Variants in CD247 observed in about 807,000 individuals in gnomAD.
CD247 encodes T-cell surface glycoprotein CD3 zeta chain.
CD247 carries 13 observed loss-of-function variants against 30.0 expected under a neutral mutation model. The ratio of observed to expected loss-of-function variants is 0.43; its 90% CI spans 0.28 to 0.69. The LOEUF (loss-of-function observed/expected upper bound fraction) is 0.69, where lower values mean the gene tolerates loss of function less well. CD247 is among the 30% of genes least tolerant of loss of function. The probability of loss-of-function intolerance (pLI) is 0.16; values close to 1 mark genes in which losing one functional copy is unlikely to be tolerated. For missense variants in CD247, 193 were observed against 212.6 expected (o/e 0.91, Z 0.57); for synonymous variants, 72 against 80.0 (o/e 0.90, Z 0.53).
chr1:167,512,868 G>T (rs1655451775), intron 1 of CD247, among the ~76,000 whole-genome samples: 1 of 152,200 alleles, frequency 6.6e-6, no homozygotes, highest in African/African-American at 2.4e-5. Flanking sequence ...CCACCATAGT[G>T]CCTGCTCCAG....
chr1:167,471,000 T>C (rs1380057809), intron 1 of CD247, among the ~76,000 whole-genome samples: 1 of 151,578 alleles, frequency 6.6e-6, no homozygotes, highest in Non-Finnish European at 1.5e-5. Flanking sequence ...GCTTCCCGAG[T>C]AGCTGGGACT....
intron 7 of CD247, among the ~76,000 whole-genome samples, chr1:167,431,974 C>T (rs1445405611): frequency 1.3e-5 from 2 of 152,224 alleles, no homozygotes; most frequent in Non-Finnish European, 1.5e-5. Context: ...GCAGCAACTC[C>T]TTTCCAGCTA....
rs34658129 is a variant in CD247, at chr1:167,484,107, G to A, written c.58+34301C>T. Among the ~76,000 whole-genome samples the A allele has an allele frequency of 9.8e-5, 15 of 152,358 alleles. No homozygotes were observed. The East Asian group carries it at 2.5e-3, about 25-fold the overall frequency. On this transcript the variant is annotated intron_variant, in intron 1 of 7. Transcript: ENST00000362089. ...GAGGCAGAGTGGAGAATACAAAATCGCAGGTGAGATCACAGCTCTCTCAAG... is the reference window on the plus strand; with the variant it reads ...GAGGCAGAGTGGAGAATACAAAATCACAGGTGAGATCACAGCTCTCTCAAG...
chr1:167,500,125 A>G (rs1654845258), intron 1 of CD247, among the ~76,000 whole-genome samples: 1 of 152,232 alleles, frequency 6.6e-6, no homozygotes. Flanking sequence ...TGAAATGGAA[A>G]CGCTGAACCC....
At chr1:167,505,687 G>A (rs528802994) in intron 1 of CD247, among the ~76,000 whole-genome samples, 1 of 152,376 alleles carries the variant, frequency 6.6e-6, no homozygotes, top group Non-Finnish European at 1.5e-5. Flanking sequence ...AAGCTGGAGT[G>A]GAGGGAGACC....
Position 167,494,285 on chromosome 1 carries a change from T to C in CD247, c.58+24123A>G, listed in dbSNP as rs1418106. Among the ~76,000 whole-genome samples the C allele has an allele frequency of 0.062, 9,460 of 152,268 alleles. 550 individuals carry two copies. The highest frequency in any genetic ancestry group is 0.16 in the South Asian group (789 of 4,828). Reference sequence around the variant, plus strand: ...CAGGGCCAGTTCAGCAAAACCTCTGTCAACAAATAGAGGATTTGTTTAATC... The same window carrying C: ...CAGGGCCAGTTCAGCAAAACCTCTGCCAACAAATAGAGGATTTGTTTAATC... On this transcript the variant is annotated intron_variant, in intron 1 of 7. Transcript: ENST00000362089. The surrounding 1 kb of genome is among the most constrained non-coding windows in gnomAD (Gnocchi z 7.3).
intron 1 of CD247, among the ~76,000 whole-genome samples, chr1:167,469,896 C>T (rs1558012792): frequency 6.6e-6 from 1 of 151,984 alleles, no homozygotes; most frequent in Non-Finnish European, 1.5e-5. Flanking sequence ...TCTATTCATT[C>T]TCGGTACTTT....
At chr1:167,472,530 A>C (rs769241573) in intron 1 of CD247, among the ~76,000 whole-genome samples, 7 of 152,206 alleles carry the variant, frequency 4.6e-5, no homozygotes, top group Non-Finnish European at 7.3e-5. Flanking sequence ...ACAATTAAGA[A>C]AGCAAAATGT....
At chr1:167,492,282 C>T (rs1167375966) in intron 1 of CD247, among the ~76,000 whole-genome samples, 1 of 152,134 alleles carries the variant, frequency 6.6e-6, no homozygotes, top group Non-Finnish European at 1.5e-5. Flanking sequence ...ACCAGGAGAG[C>T]CGGAAGAGGT....
intron 1 of CD247, among the ~76,000 whole-genome samples, chr1:167,463,441 A>G (rs1653111959): frequency 6.6e-6 from 1 of 152,140 alleles, no homozygotes. Flanking sequence ...AAAAGTCATC[A>G]TTTCTTTTTT....
intron 1 of CD247, among the ~76,000 whole-genome samples, chr1:167,452,160 G>A (rs1652376755): frequency 6.6e-6 from 1 of 152,340 alleles, no homozygotes; most frequent in South Asian, 2.1e-4. Flanking sequence ...GGGAGGCAGA[G>A]GTTGCAGTGA....
intron 2 of CD247, chr1:167,439,667 T>C: frequency 1.9e-6 from 1 of 534,994 alleles, no homozygotes; most frequent in South Asian, 2.1e-5. Flanking sequence ...CTTCCCGGGC[T>C]AGCGCCCTCG....
At chr1:167,490,578 G>A (rs943475238) in intron 1 of CD247, among the ~76,000 whole-genome samples, 2 of 151,978 alleles carry the variant, frequency 1.3e-5, no homozygotes, top group South Asian at 2.1e-4. Flanking sequence ...AGCCGAGATC[G>A]CGCCACTGCA....
At chr1:167,482,693 C>A (rs1428244099) in intron 1 of CD247, among the ~76,000 whole-genome samples, 1 of 152,174 alleles carries the variant, frequency 6.6e-6, no homozygotes, top group Non-Finnish European at 1.5e-5. Flanking sequence ...CATGGAGTGA[C>A]CTTAAGGAAT....
At chr1:167,447,870 C>T (rs1279069565) in intron 1 of CD247, among the ~76,000 whole-genome samples, 4 of 151,916 alleles carry the variant, frequency 2.6e-5, no homozygotes, top group Non-Finnish European at 5.9e-5. Context: ...CCAGCTCCAC[C>T]CCCAGGCTCA....
intron 5 of CD247, chr1:167,434,529 G>A: frequency 2.8e-6 from 1 of 355,694 alleles, no homozygotes; most frequent in Non-Finnish European, 5.5e-6. Flanking sequence ...CACCTGCAAG[G>A]GTCTCCTGCA....
chr1:167,506,476 T>C lies in CD247; in HGVS notation c.58+11932A>G, dbSNP rs573080879. ...ATTTCTCCCACCTCAACCTCCCAAA[T>C]AGCTGAGACTACAGGGGGGTGTCAC... On this transcript the variant is annotated intron_variant, in intron 1 of 7. Coordinates refer to ENST00000362089, the MANE Select transcript of CD247 (RefSeq NM_198053.3). Among the ~76,000 whole-genome samples the C allele has an allele frequency of 1.4e-4, 21 of 151,366 alleles. 1 individual carries two copies. In the South Asian group the frequency reaches 4.2e-3, roughly 30 times the overall value.
rs1654219828 is a variant in CD247 at position 167,486,634 on chromosome 1, G to T, written c.58+31774C>A. Among the ~76,000 whole-genome samples, 3 of 152,338 alleles carry T rather than the reference G, an allele frequency of 2.0e-5. No individual in the cohort carries two copies. The East Asian group carries it at 5.8e-4, about 29-fold the overall frequency. ...TCCCACGCTTCAGAGGCCAGTTTCT[G>T]CTACCACATCCTTTCACTCTGGCTT... is the stretch of plus-strand genomic sequence containing the variant. On this transcript the variant is annotated intron_variant, in intron 1 of 7. Transcript: ENST00000362089.
intron 1 of CD247, among the ~76,000 whole-genome samples, chr1:167,445,688 G>A (rs531259805): frequency 1.3e-5 from 2 of 152,238 alleles, no homozygotes; most frequent in South Asian, 2.1e-4. Flanking sequence ...CTTGAATTGC[G>A]TTGTTTGTCT....
Sources: allele counts gnomAD v4.1 joint callset (sites outside exome capture counted in the v4.1 genomes callset), GRCh38; gene constraint gnomAD v4.1.1; non-coding constraint Gnocchi (gnomAD v3.1); transcripts MANE v1.5; gene names NCBI Gene and HGNC (gene_info 2026-07-23, HGNC 2026-07-21).